TRIM2: variants seen among roughly 807,000 people sequenced by gnomAD.
The protein encoded by TRIM2 is tripartite motif containing 2.
Under a neutral mutation model 75.2 loss-of-function variants are expected in TRIM2, and 20 were observed. The ratio of observed to expected loss-of-function variants is 0.27; its 90% CI spans 0.19 to 0.39. The LOEUF is 0.39. TRIM2 is among the 10% of genes least tolerant of loss of function. TRIM2 has a pLI of 1.00. For synonymous variants in TRIM2, 373 were observed against 388.3 expected (o/e 0.96, Z 0.46); for missense variants, 660 against 990.8 (o/e 0.67, Z 4.48).
intron 6 of TRIM2, chr4:153,307,773 C>A: frequency 1.4e-6 from 1 of 696,858 alleles, no homozygotes; most frequent in East Asian, 2.8e-5. Flanking sequence ...CAGCCATCTC[C>A]ACCACACAGG....
intron 11 of TRIM2, among the ~76,000 whole-genome samples, chr4:153,332,941 C>T (rs1404978232): frequency 2.6e-5 from 4 of 152,102 alleles, no homozygotes; most frequent in African/African-American, 9.7e-5. Context: ...ATATACTTAC[C>T]ATACAACCCA....
chr4:153,251,919 G>A (rs960759422), intron 1 of TRIM2, among the ~76,000 whole-genome samples: 2 of 136,198 alleles, frequency 1.5e-5, no homozygotes, highest in South Asian at 4.3e-4. Context: ...AGGTCGAGCA[G>A]CAGTCACGCC....
chr4:153,196,799 T>G (rs1471547094), intron 1 of TRIM2, among the ~76,000 whole-genome samples: 1 of 152,192 alleles, frequency 6.6e-6, no homozygotes, highest in East Asian at 1.9e-4. Flanking sequence ...GCAAATCCCC[T>G]TATGATCTCT....
At chr4:153,175,819 G>A (rs746222063) in intron 1 of TRIM2, among the ~76,000 whole-genome samples, 38 of 152,148 alleles carry the variant, frequency 2.5e-4, no homozygotes, top group Non-Finnish European at 4.3e-4. Context: ...GTGCTGTATT[G>A]TGAAAATTCC....
intron 6 of TRIM2, among the ~76,000 whole-genome samples, chr4:153,299,715 C>T (rs992059418): frequency 2.0e-5 from 3 of 152,032 alleles, no homozygotes; most frequent in African/African-American, 7.2e-5. Context: ...TGACTCATCC[C>T]TATCACCTGC....
At chr4:153,202,201 G>A (rs1458118797), upstream of TRIM2, among the ~76,000 whole-genome samples, 1 of 152,110 alleles carries the variant, frequency 6.6e-6, no homozygotes, top group Non-Finnish European at 1.5e-5. Context: ...AAATAAATAC[G>A]TTTCAACATT....
intron 1 of TRIM2, among the ~76,000 whole-genome samples, chr4:153,183,751 G>T (rs1482262016): frequency 6.6e-6 from 1 of 152,170 alleles, no homozygotes; most frequent in Non-Finnish European, 1.5e-5. Context: ...CAGGGGCTTT[G>T]CTAAGGGTTA....
Position 153,334,852 on chromosome 4 carries a change from C to T in TRIM2, c.2202C>T (p.Asn734=), listed in dbSNP as rs765553925. The change falls in exon 12 of 12, where the codon AAC becomes AAT. Residue 734 remains asparagine, a synonymous_variant. Coordinates refer to ENST00000338700, the MANE Select transcript of TRIM2 (RefSeq NM_015271.5). ...DGSGSFLSYI[N]TSADPLYGPQ... ...GTGGATCATTTTTGTCCTACATTAA[C>T]ACATCTGCTGACCCACTCTATGGCC... The T allele has an allele frequency of 1.3e-5, 21 of 1,613,572 alleles. No homozygotes were observed. In the South Asian group the frequency reaches 2.3e-4, roughly 18 times the overall value.
rs141112520 is a variant in TRIM2 at position 153,204,781 on chromosome 4, A to T, written c.30+221A>T. ...AAGGAAGCAAAAAATCGAGGGAGAG[A>T]CACAGCTGGATTTGACACCAAAGCA... is the stretch of plus-strand genomic sequence containing the variant. On this transcript the variant is annotated intron_variant, in intron 1 of 11. Transcript: ENST00000338700. 2.8e-3 allele frequency among the ~76,000 whole-genome samples: 428 copies of T among 152,262 alleles called. 1 individual carries two copies. Among genetic ancestry groups the T allele is most frequent in the African/African-American group, 1.0e-2 (415 of 41,548 alleles).
chr4:153,211,734 C>T (rs1383934398), intron 1 of TRIM2, among the ~76,000 whole-genome samples: 1 of 152,014 alleles, frequency 6.6e-6, no homozygotes, highest in African/African-American at 2.4e-5. Flanking sequence ...AAATACTCTG[C>T]CCACCTGGGC....
At chr4:153,177,667 T>G in intron 1 of TRIM2, among the ~76,000 whole-genome samples, 1 of 147,422 alleles carries the variant, frequency 6.8e-6, no homozygotes, top group African/African-American at 2.5e-5. Flanking sequence ...AAATCAGGAG[T>G]CCTAGAATAT....
At chr4:153,256,099 G>T (rs1333234975) in intron 1 of TRIM2, among the ~76,000 whole-genome samples, 1 of 152,112 alleles carries the variant, frequency 6.6e-6, no homozygotes, top group African/African-American at 2.4e-5. Flanking sequence ...CTTTAAATGG[G>T]TGAATTATAT....
chr4:153,253,801 AGTTACCCTATAT>A (rs1300021065), intron 1 of TRIM2, among the ~76,000 whole-genome samples: 3 of 152,206 alleles, frequency 2.0e-5, no homozygotes, highest in African/African-American at 7.2e-5. Context: ...AATGTCAGGA[AGTTACCCTATAT>A]GTTCGAGAAA....
chr4:153,306,004 G>A (rs746483216), intron 6 of TRIM2, among the ~76,000 whole-genome samples: 11 of 152,046 alleles, frequency 7.2e-5, no homozygotes, highest in Non-Finnish European at 1.0e-4. Context: ...GCATGGTGAC[G>A]GGTGCCTGTA....
At chr4:153,212,519 CGTG>C (rs1560822255) in intron 1 of TRIM2, among the ~76,000 whole-genome samples, 1 of 152,132 alleles carries the variant, frequency 6.6e-6, no homozygotes, top group African/African-American at 2.4e-5. Flanking sequence ...AAGCTGCACT[CGTG>C]GTGGTGTATG....
intron 1 of TRIM2, among the ~76,000 whole-genome samples, chr4:153,237,369 G>A (rs1001070515): frequency 9.8e-6 from 1 of 101,978 alleles, no homozygotes; most frequent in Non-Finnish European, 2.0e-5. Flanking sequence ...AGTTACTTAG[G>A]AGTGTGCATA....
chr4:153,244,170 T>TCTTCTTCTCCTC (rs1213110713), intron 1 of TRIM2, among the ~76,000 whole-genome samples: 5 of 144,414 alleles, frequency 3.5e-5, no homozygotes, highest in Admixed American at 1.4e-4. Flanking sequence ...TTCTTCTTCT[T>TCTTCTTCTCCTC]CTTCTTCTTC....
At chr4:153,238,777 G>A (rs1293736622) in intron 1 of TRIM2, among the ~76,000 whole-genome samples, 1 of 152,194 alleles carries the variant, frequency 6.6e-6, no homozygotes, top group East Asian at 1.9e-4. Context: ...ATTGCAGCAT[G>A]TCCAGCACTT....
intron 1 of TRIM2, among the ~76,000 whole-genome samples, chr4:153,187,113 T>C (rs1732677147): frequency 6.6e-6 from 1 of 152,224 alleles, no homozygotes; most frequent in African/African-American, 2.4e-5. Flanking sequence ...AATTTTAAAT[T>C]TCAGAATGTT....
Sources: allele counts gnomAD v4.1 joint callset (sites outside exome capture counted in the v4.1 genomes callset), GRCh38; gene constraint gnomAD v4.1.1; transcripts MANE v1.5; gene names NCBI Gene and HGNC (gene_info 2026-07-23, HGNC 2026-07-21).